RAB31: variants seen among roughly 807,000 people sequenced by gnomAD.
RAB31 encodes RAB31, member RAS oncogene family.
In RAB31, 21 loss-of-function variants were observed where a neutral mutation model predicts 25.6. The observed-to-expected ratio is 0.82, with a 90% CI of 0.58 to 1.18. RAB31 has a LOEUF of 1.18. Ranked by LOEUF, RAB31 falls within the 50% of genes most tolerant of loss-of-function variation. The probability of loss-of-function intolerance (pLI) is 0.00; values close to 1 mark genes in which losing one functional copy is unlikely to be tolerated. For missense variants in RAB31, 196 were observed against 250.1 expected (o/e 0.78, Z 1.46); for synonymous variants, 87 against 84.0 (o/e 1.04, Z -0.20).
At position 9,845,628 on chromosome 18, in the gene RAB31, G is replaced by A. The variant is rs201871168; in HGVS notation, c.427G>A (p.Ala143Thr). 25 of 1,569,748 alleles carry A rather than the reference G, an allele frequency of 1.6e-5. No individual in the cohort carries two copies. The highest frequency in any genetic ancestry group is 3.3e-4 in the Middle Eastern group (2 of 6,038). The stretch of plus-strand genomic sequence containing the variant: ...TAAGGAATACGCTGAATCCATAGGT[G>A]CCATCGTGGTTGAGACAAGTGCAAA... ...DAKEYAESIG[A>T]IVVETSAKNA... is the part of the protein sequence containing the mutation. Residue 143 changes from alanine to threonine, a missense_variant, in exon 6 of 7, where the codon GCC becomes ACC. Transcript: ENST00000578921.
At chr18:9,836,106 A>G (rs1188967680) in intron 5 of RAB31, among the ~76,000 whole-genome samples, 1 of 152,076 alleles carries the variant, frequency 6.6e-6, no homozygotes, top group African/African-American at 2.4e-5. Flanking sequence ...CCACACAGTT[A>G]ACAGCCGTCT....
At chr18:9,821,285 G>C (rs913141942) in intron 5 of RAB31, among the ~76,000 whole-genome samples, 4 of 152,058 alleles carry the variant, frequency 2.6e-5, no homozygotes, top group African/African-American at 9.7e-5. Context: ...AATGTTCTAA[G>C]TGAGCCCGAT....
At chr18:9,820,429 CT>C (rs1306420412) in intron 5 of RAB31, among the ~76,000 whole-genome samples, 1 of 151,964 alleles carries the variant, frequency 6.6e-6, no homozygotes, top group Non-Finnish European at 1.5e-5. Context: ...ATTTTTATGT[CT>C]ATATTCATAA....
At chr18:9,754,837 G>A (rs2068252971) in intron 1 of RAB31, among the ~76,000 whole-genome samples, 1 of 152,192 alleles carries the variant, frequency 6.6e-6, no homozygotes. Context: ...AATCTCCAAT[G>A]TCTAACACAG....
chr18:9,855,751 G>T (rs1018432183), intron 6 of RAB31, among the ~76,000 whole-genome samples: 4 of 152,044 alleles, frequency 2.6e-5, no homozygotes, highest in Non-Finnish European at 5.9e-5. Context: ...TGTGTTTAAG[G>T]TTGGCATGTG....
At chr18:9,802,656 C>T (rs1488606673) in intron 3 of RAB31, among the ~76,000 whole-genome samples, 1 of 152,216 alleles carries the variant, frequency 6.6e-6, no homozygotes, top group Non-Finnish European at 1.5e-5. Context: ...TGTTCACCTC[C>T]TTCAGATTAA....
At chr18:9,765,101 C>G (rs117864811) in intron 1 of RAB31, among the ~76,000 whole-genome samples, 2 of 152,058 alleles carry the variant, frequency 1.3e-5, no homozygotes, top group African/African-American at 4.8e-5. Context: ...TACAGGCTCT[C>G]GCCACCACGC....
intron 5 of RAB31, among the ~76,000 whole-genome samples, chr18:9,840,753 T>G (rs661092): frequency 9.2e-5 from 14 of 151,928 alleles, no homozygotes; most frequent in Admixed American, 7.2e-4. Flanking sequence ...TGCAAGTTTC[T>G]GGTATCCCCA....
At chr18:9,838,312 G>T (rs140011308) in intron 5 of RAB31, among the ~76,000 whole-genome samples, 171 of 152,272 alleles carry the variant, frequency 1.1e-3, no homozygotes, top group African/African-American at 3.9e-3. Flanking sequence ...GTGCTCATCT[G>T]GGCCACCTGG....
intron 5 of RAB31, among the ~76,000 whole-genome samples, chr18:9,824,702 C>T (rs1485517417): frequency 6.6e-6 from 1 of 152,176 alleles, no homozygotes; most frequent in Non-Finnish European, 1.5e-5. Context: ...AGGTCCGCCC[C>T]ACTCCCAGAG....
At chr18:9,818,068 T>C (rs890519421) in intron 5 of RAB31, among the ~76,000 whole-genome samples, 2 of 152,238 alleles carry the variant, frequency 1.3e-5, no homozygotes, top group African/African-American at 4.8e-5. Flanking sequence ...CATGTATATC[T>C]TTTGTTATAC....
chr18:9,783,867 A>G (rs1281400355), intron 2 of RAB31, among the ~76,000 whole-genome samples: 1 of 152,194 alleles, frequency 6.6e-6, no homozygotes, highest in Non-Finnish European at 1.5e-5. Flanking sequence ...TAAGAATAAG[A>G]TATTTTCTAC....
At chr18:9,790,461 C>A (rs1386157749) in intron 2 of RAB31, among the ~76,000 whole-genome samples, 1 of 151,960 alleles carries the variant, frequency 6.6e-6, no homozygotes, top group Non-Finnish European at 1.5e-5. Flanking sequence ...GTCTCGAAAC[C>A]CTGGCCTCAA....
intron 6 of RAB31, among the ~76,000 whole-genome samples, chr18:9,850,293 TA>T (rs2143144667): frequency 6.6e-6 from 1 of 152,274 alleles, no homozygotes; most frequent in East Asian, 1.9e-4. Flanking sequence ...AGATTATTAT[TA>T]TTTTTTTATT....
chr18:9,728,499 T>G (rs2068105986), intron 1 of RAB31, among the ~76,000 whole-genome samples: 1 of 152,236 alleles, frequency 6.6e-6, no homozygotes, highest in Non-Finnish European at 1.5e-5. Flanking sequence ...CATGATTTTC[T>G]ACACCCTTAC....
At chr18:9,814,202 T>C (rs770679891) in intron 4 of RAB31, 111 bp downstream of exon 4, 560 of 701,526 alleles carry the variant, frequency 8.0e-4, no homozygotes, top group Non-Finnish European at 9.5e-4. Context: ...TGCCACTATA[T>C]ATTGAGTTTA....
At chr18:9,737,872 C>G (rs1231818539) in intron 1 of RAB31, among the ~76,000 whole-genome samples, 1 of 152,178 alleles carries the variant, frequency 6.6e-6, no homozygotes, top group African/African-American at 2.4e-5. Context: ...TACCCCACCC[C>G]CTTCTGCTTT....
At chr18:9,743,358 C>T (rs1041151197) in intron 1 of RAB31, among the ~76,000 whole-genome samples, 1 of 152,222 alleles carries the variant, frequency 6.6e-6, no homozygotes, top group African/African-American at 2.4e-5. Flanking sequence ...TTATAAACAT[C>T]TTGATCCCTT....
chr18:9,837,076 G>A (rs1450955265), intron 5 of RAB31, among the ~76,000 whole-genome samples: 2 of 136,488 alleles, frequency 1.5e-5, no homozygotes, highest in African/African-American at 5.7e-5. Flanking sequence ...GACACATGAA[G>A]AGAGTCAGTG....
Sources: gnomAD v4.1 joint callset for allele counts (sites outside exome capture counted in the v4.1 genomes callset) on GRCh38, gnomAD v4.1.1 for gene constraint, MANE v1.5 for transcripts, NCBI Gene and HGNC (gene_info 2026-07-23, HGNC 2026-07-21) for gene names.